Variants in DIAPH3 observed in about 807,000 individuals in gnomAD.
DIAPH3 encodes the protein protein diaphanous homolog 3.
DIAPH3 carries 117 observed loss-of-function variants against 144.3 expected under a neutral mutation model. The ratio of observed to expected loss-of-function variants is 0.81; its 90% CI spans 0.70 to 0.95. The LOEUF (loss-of-function observed/expected upper bound fraction) is 0.95, where lower values mean the gene tolerates loss of function less well. DIAPH3 is among the 40% of genes least tolerant of loss of function. The pLI, the probability that DIAPH3 is intolerant of heterozygous loss-of-function variation, is 0.00. For missense variants in DIAPH3, 1,421 were observed against 1,412.7 expected (o/e 1.01, Z -0.09); for synonymous variants, 519 against 488.9 (o/e 1.06, Z -0.81).
At position 60,013,057 on chromosome 13, in the gene DIAPH3, G is replaced by A. The variant is rs549103198; in HGVS notation, c.772-2388C>T. 5.5e-5 allele frequency: 54 copies of A among 985,314 alleles called. No individual in the cohort carries two copies. In the East Asian group the frequency reaches 2.5e-3, roughly 46 times the overall value. The allele number at this position is 985,314 out of a possible 1,614,324, so 61.0% of individuals were successfully genotyped here. On this transcript the variant is annotated intron_variant, in intron 7 of 27. Coordinates refer to ENST00000400324, the MANE Select transcript of DIAPH3 (RefSeq NM_001042517.2). ...AGAAGTTGTCAACTTACCAGTGCTC[G>A]GATTAAAGTGCATTTAATGAGGGCT...
At chr13:59,949,305 G>C (rs561398094) in intron 17 of DIAPH3, among the ~76,000 whole-genome samples, 11 of 152,222 alleles carry the variant, frequency 7.2e-5, no homozygotes, top group African/African-American at 2.4e-4. Flanking sequence ...CTTAGTAAAA[G>C]ACAATGGCCT....
intron 20 of DIAPH3, among the ~76,000 whole-genome samples, chr13:59,898,134 C>CAAAAAAAAAAAAAAAA (rs34238599): frequency 2.8e-5 from 2 of 72,196 alleles, no homozygotes; most frequent in African/African-American, 5.9e-5. Flanking sequence ...GACTCTGCCT[C>CAAAAAAAAAAAAAAAA]AAAAAAAAAA....
At chr13:59,796,562 T>C (rs903637163) in intron 25 of DIAPH3, among the ~76,000 whole-genome samples, 1 of 152,226 alleles carries the variant, frequency 6.6e-6, no homozygotes, top group Non-Finnish European at 1.5e-5. Context: ...CAGAAAACTA[T>C]GAGATTCATA....
chr13:59,717,685 T>C (rs1224100249), intron 27 of DIAPH3, among the ~76,000 whole-genome samples: 2 of 152,182 alleles, frequency 1.3e-5, no homozygotes, highest in Non-Finnish European at 2.9e-5. Flanking sequence ...ACTGGTTGGC[T>C]TTCCCATATA....
At position 60,022,329 on chromosome 13, in the gene DIAPH3, C is replaced by G. The variant is rs573720109; in HGVS notation, c.627-6184G>C. On this transcript the variant is annotated intron_variant, in intron 5 of 27. Coordinates refer to ENST00000400324, the MANE Select transcript of DIAPH3 (RefSeq NM_001042517.2). ...CAGGCATCCTTGCCTTGTTCTCAAT[C>G]TATCTTAGAGGGAAAGCATTTAGTC... Among the ~76,000 whole-genome samples the G allele has an allele frequency of 1.1e-4, 16 of 152,288 alleles. No homozygotes were observed. In the South Asian group the frequency reaches 3.3e-3, roughly 32 times the overall value.
intron 27 of DIAPH3, among the ~76,000 whole-genome samples, chr13:59,687,870 T>C (rs969580272): frequency 6.6e-6 from 1 of 152,096 alleles, no homozygotes; most frequent in Non-Finnish European, 1.5e-5. Context: ...TATTAACAAC[T>C]AAAACTTTAA....
At chr13:59,830,438 C>A (rs2041712749) in intron 24 of DIAPH3, among the ~76,000 whole-genome samples, 1 of 151,794 alleles carries the variant, frequency 6.6e-6, no homozygotes, top group South Asian at 2.1e-4. Flanking sequence ...AGATTTAATA[C>A]ATTTTAATAT....
chr13:59,815,364 T>C (rs954707912), intron 24 of DIAPH3, among the ~76,000 whole-genome samples: 1 of 152,206 alleles, frequency 6.6e-6, no homozygotes, highest in Admixed American at 6.5e-5. Context: ...TATTTTAGAA[T>C]AGACTTGTTA....
intron 22 of DIAPH3, among the ~76,000 whole-genome samples, chr13:59,850,139 G>T (rs2042878222): frequency 1.3e-5 from 2 of 152,152 alleles, no homozygotes; most frequent in South Asian, 4.2e-4. Context: ...TGGTGTATAA[G>T]AATGCTTATT....
chr13:60,059,267 G>A (rs894607227), intron 4 of DIAPH3, among the ~76,000 whole-genome samples: 1 of 151,772 alleles, frequency 6.6e-6, no homozygotes, highest in Admixed American at 6.6e-5. Flanking sequence ...TGAGTTTATG[G>A]GCATTATTCT....
chr13:60,031,326 T>C (rs985256137), intron 5 of DIAPH3, among the ~76,000 whole-genome samples: 2 of 152,060 alleles, frequency 1.3e-5, no homozygotes, highest in Non-Finnish European at 2.9e-5. Context: ...TGACCCATGA[T>C]CCAAACACCT....
intron 4 of DIAPH3, among the ~76,000 whole-genome samples, chr13:60,092,254 T>C (rs1289979429): frequency 6.6e-6 from 1 of 152,082 alleles, no homozygotes; most frequent in Non-Finnish European, 1.5e-5. Flanking sequence ...AGAGCTCTGA[T>C]TCTTAAACCC....
intron 18 of DIAPH3, among the ~76,000 whole-genome samples, chr13:59,921,067 C>A (rs1274399928): frequency 1.3e-5 from 2 of 149,952 alleles, no homozygotes; most frequent in Non-Finnish European, 3.0e-5. Flanking sequence ...ACACAACATA[C>A]CAAAATATAT....
chr13:60,119,519 G>A (rs1040440044), intron 2 of DIAPH3, among the ~76,000 whole-genome samples: 11 of 151,866 alleles, frequency 7.2e-5, no homozygotes, highest in South Asian at 2.1e-4. Flanking sequence ...AGGCCGAGGC[G>A]GGTGGATCAC....
intron 27 of DIAPH3, among the ~76,000 whole-genome samples, chr13:59,710,200 C>G (rs1024897594): frequency 6.7e-6 from 1 of 149,684 alleles, no homozygotes; most frequent in African/African-American, 2.5e-5. Context: ...ACATATGTAA[C>G]TAACCTGCAC....
intron 20 of DIAPH3, 102 bp downstream of exon 20, chr13:59,911,633 G>A: frequency 1.2e-6 from 1 of 848,334 alleles, no homozygotes; most frequent in Non-Finnish European, 2.0e-6. Context: ...TTAAATGTAT[G>A]TGATTACTCA....
intron 3 of DIAPH3, among the ~76,000 whole-genome samples, chr13:60,108,409 G>A (rs1476051112): frequency 1.3e-5 from 2 of 152,056 alleles, no homozygotes; most frequent in African/African-American, 4.8e-5. Flanking sequence ...AGGAATTCGA[G>A]ACCAGCCTGG....
intron 18 of DIAPH3, 145 bp from the exon 19 acceptor site, chr13:59,916,394 T>C (rs2047225950): frequency 1.5e-6 from 1 of 679,984 alleles, no homozygotes; most frequent in South Asian, 1.7e-5. Flanking sequence ...AAACATATTA[T>C]GGGGGAAACT....
At chr13:60,038,711 T>C (rs113542221) in intron 5 of DIAPH3, among the ~76,000 whole-genome samples, 2 of 152,140 alleles carry the variant, frequency 1.3e-5, no homozygotes, top group Admixed American at 1.3e-4. Flanking sequence ...ATTTTAACTA[T>C]GATTAATGGA....
Sources: gnomAD v4.1 joint callset for allele counts (sites outside exome capture counted in the v4.1 genomes callset) on GRCh38, gnomAD v4.1.1 for gene constraint, MANE v1.5 for transcripts, NCBI Gene and HGNC (gene_info 2026-07-23, HGNC 2026-07-21) for gene names.